The following NBEA variants were observed in gnomAD, a reference collection of about 807,000 sequenced individuals.
NBEA encodes the protein lysosomal-trafficking regulator 2.
In NBEA, 44 loss-of-function variants were observed where a neutral mutation model predicts 343.4. The observed-to-expected ratio is 0.13, with a 90% CI of 0.10 to 0.16. The LOEUF is 0.16. NBEA is among the 10% of genes least tolerant of loss of function. NBEA has a pLI of 1.00. For missense variants in NBEA, 2,555 were observed against 3,631.3 expected (o/e 0.70, Z 7.62); for synonymous variants, 1,175 against 1,238.7 (o/e 0.95, Z 1.08).
chr13:35,475,270 T>G, intron 41 of NBEA: 1 of 1,613,974 alleles, frequency 6.2e-7, no homozygotes, highest in East Asian at 2.2e-5. Context: ...CTCGTCCCAG[T>G]CCGACTCTCG....
intron 34 of NBEA, among the ~76,000 whole-genome samples, chr13:35,243,023 T>C (rs2030579733): frequency 6.6e-6 from 1 of 151,840 alleles, no homozygotes; most frequent in Admixed American, 6.6e-5. Context: ...TAATTTTGGT[T>C]CTACTATTCT....
At chr13:35,455,519 G>A (rs930689691) in intron 40 of NBEA, among the ~76,000 whole-genome samples, 6 of 151,862 alleles carry the variant, frequency 4.0e-5, no homozygotes, top group African/African-American at 1.5e-4. Flanking sequence ...AACATTTTCT[G>A]TAAAAGGAAA....
At chr13:35,509,697 AATAG>A (rs2077203110) in intron 41 of NBEA, among the ~76,000 whole-genome samples, 1 of 152,158 alleles carries the variant, frequency 6.6e-6, no homozygotes, top group Non-Finnish European at 1.5e-5. Context: ...GCATTTAAAG[AATAG>A]ATAGAGAGTT....
intron 36 of NBEA, among the ~76,000 whole-genome samples, chr13:35,331,916 T>C (rs574001071): frequency 5.3e-5 from 8 of 152,196 alleles, no homozygotes; most frequent in African/African-American, 1.9e-4. Context: ...TAATAGCTAT[T>C]CTTAAATTAT....
Position 35,090,530 on chromosome 13 carries a change from G to A in NBEA, c.1572-7767G>A, listed in dbSNP as rs2152626714. ...TAGAATTATAGGTTTTGGTGTGAAA[G>A]GATTTGACAACTATTAGGGATGTGG... On this transcript the variant is annotated intron_variant, in intron 10 of 58. Transcript: ENST00000379939. Among the ~76,000 whole-genome samples, 3 of 152,012 alleles carry A rather than the reference G, an allele frequency of 2.0e-5. No homozygotes were observed. In the South Asian group the frequency reaches 6.2e-4, roughly 31 times the overall value.
At chr13:35,474,957 T>C (rs889104068) in intron 41 of NBEA, 1 of 1,240,152 alleles carries the variant, frequency 8.1e-7, no homozygotes, top group Non-Finnish European at 1.1e-6. Context: ...AAGGAAGAGA[T>C]TGTTTGCACT....
At chr13:35,408,676 A>AC (rs2043407043) in intron 38 of NBEA, among the ~76,000 whole-genome samples, 2 of 6,534 alleles carry the variant, frequency 3.1e-4, no homozygotes, top group Admixed American at 6.2e-3. Flanking sequence ...AAACAACCCA[A>AC]TTAAAAATGG....
chr13:35,425,374 A>T (rs1468380188), intron 38 of NBEA, among the ~76,000 whole-genome samples: 3 of 152,180 alleles, frequency 2.0e-5, no homozygotes, highest in African/African-American at 7.2e-5. Flanking sequence ...TTCAAAGAAC[A>T]TCTTTATTTC....
intron 41 of NBEA, among the ~76,000 whole-genome samples, chr13:35,536,669 T>TAGGTAGAC (rs1555295330): frequency 1.3e-5 from 2 of 151,656 alleles, no homozygotes; most frequent in African/African-American, 4.9e-5. Flanking sequence ...GATAGATAGA[T>TAGGTAGAC]AGACAGACAG....
intron 41 of NBEA, among the ~76,000 whole-genome samples, chr13:35,539,069 A>C (rs902278953): frequency 1.3e-5 from 2 of 152,248 alleles, no homozygotes; most frequent in East Asian, 3.8e-4. Context: ...AATCAAGAAA[A>C]GTATTCATAA....
intron 58 of NBEA, among the ~76,000 whole-genome samples, chr13:35,670,680 G>C (rs989632210): frequency 1.3e-5 from 2 of 152,242 alleles, no homozygotes; most frequent in African/African-American, 2.4e-5. Flanking sequence ...CTGCAGCAGG[G>C]CTGGCTGTCC....
At chr13:35,651,730 A>G (rs1316448658) in intron 52 of NBEA, 75 bp from the exon 53 acceptor site, 1 of 862,186 alleles carries the variant, frequency 1.2e-6, no homozygotes, top group South Asian at 1.5e-5. Context: ...AAATCATCAT[A>G]AAACACTACC....
intron 49 of NBEA, among the ~76,000 whole-genome samples, chr13:35,644,278 C>T (rs1284803242): frequency 3.3e-5 from 5 of 152,130 alleles, no homozygotes; most frequent in Non-Finnish European, 7.4e-5. Context: ...TATCCTGATG[C>T]CTGATTGGGG....
intron 1 of NBEA, among the ~76,000 whole-genome samples, chr13:35,016,388 A>G (rs758203119): frequency 2.3e-4 from 35 of 152,308 alleles, no homozygotes; most frequent in Admixed American, 4.6e-4. Flanking sequence ...TGGGATGTAT[A>G]CATTGTAGTA....
At chr13:35,396,968 C>T (rs2042776696) in intron 38 of NBEA, among the ~76,000 whole-genome samples, 1 of 152,128 alleles carries the variant, frequency 6.6e-6, no homozygotes, top group Non-Finnish European at 1.5e-5. Flanking sequence ...CAATGCTATG[C>T]ACTACCAGTG....
Position 35,389,938 on chromosome 13 carries a change from C to T in NBEA, c.6179+37615C>T, listed in dbSNP as rs2042418330. ...TTTTTTCTAATATATAACCTGTCCTCTGGTCATTTCTATGGTTTATGTCTT... is the reference window on the plus strand; with the variant it reads ...TTTTTTCTAATATATAACCTGTCCTTTGGTCATTTCTATGGTTTATGTCTT... On this transcript the variant is annotated intron_variant, in intron 38 of 58. Transcript: ENST00000379939. Among the ~76,000 whole-genome samples, 2 of 144,974 alleles carry T rather than the reference C, an allele frequency of 1.4e-5. 1 individual carries two copies. The highest frequency in any genetic ancestry group is 1.4e-4 in the Admixed American group (2 of 14,444).
At chr13:35,393,974 T>C (rs1271157394) in intron 38 of NBEA, among the ~76,000 whole-genome samples, 3 of 152,070 alleles carry the variant, frequency 2.0e-5, no homozygotes, top group East Asian at 3.9e-4. Context: ...ATCCTAGAGA[T>C]CAACAGCCCA....
intron 40 of NBEA, among the ~76,000 whole-genome samples, chr13:35,457,211 TG>T (rs2046628374): frequency 6.6e-6 from 1 of 152,106 alleles, no homozygotes; most frequent in Non-Finnish European, 1.5e-5. Flanking sequence ...AAATATTCAC[TG>T]GCCAGTCATA....
intron 10 of NBEA, among the ~76,000 whole-genome samples, chr13:35,083,272 T>A (rs930153297): frequency 1.1e-4 from 17 of 152,230 alleles, no homozygotes; most frequent in Non-Finnish European, 1.9e-4. Context: ...GTTCCATTGG[T>A]CTATATCTCT....
Sources: allele counts gnomAD v4.1 joint callset (sites outside exome capture counted in the v4.1 genomes callset), GRCh38; gene constraint gnomAD v4.1.1; transcripts MANE v1.5; gene names NCBI Gene and HGNC (gene_info 2026-07-23, HGNC 2026-07-21).